Variants in PLEKHM2 observed in about 807,000 individuals in gnomAD.
PLEKHM2 encodes the protein pleckstrin homology domain-containing family M member 2.
In PLEKHM2, 77 loss-of-function variants were observed where a neutral mutation model predicts 116.3. The observed-to-expected ratio is 0.66, with a 90% confidence interval of 0.55 to 0.80. The LOEUF is 0.80. Ranked by LOEUF, PLEKHM2 falls within the 30% of genes least tolerant of loss-of-function variation. The pLI is 0.00. For missense variants in PLEKHM2, 1,183 were observed against 1,354.9 expected (o/e 0.87, Z 1.99); for synonymous variants, 562 against 571.0 (o/e 0.98, Z 0.22).
chr1:15,703,653 G>GAC (rs1243344164), intron 1 of PLEKHM2, among the ~76,000 whole-genome samples: 1 of 152,232 alleles, frequency 6.6e-6, no homozygotes, highest in African/African-American at 2.4e-5. Flanking sequence ...TTTTGTGGGT[G>GAC]TATGAAGATC....
At chr1:15,699,981 C>A (rs887529571) in intron 1 of PLEKHM2, among the ~76,000 whole-genome samples, 3 of 144,858 alleles carry the variant, frequency 2.1e-5, no homozygotes, top group African/African-American at 5.6e-5. Context: ...ACATAGTGAG[C>A]CCCCATCTCA....
chr1:15,727,156 C>T lies in PLEKHM2; in HGVS notation c.1084C>T (p.Arg362Trp), dbSNP rs61738983. Residue 362 changes from arginine to tryptophan, a missense_variant, in exon 9 of 20, where the codon CGG becomes TGG. Around this residue, in one of 3 missense-constraint regions of PLEKHM2, gnomAD observed 372 missense variants for 357.2 expected, o/e 1.04. Coordinates refer to ENST00000375799, the MANE Select transcript of PLEKHM2 (RefSeq NM_015164.4). The surrounding 1 kb of genome is among the most constrained non-coding windows in gnomAD (Gnocchi z 7.5). ...CCGCAACGGCAGCCCAAGCCTTGGG[C>T]GGGACTCGCCAGACACTATGCTTGC... ...DSRNGSPSLG[R>W]DSPDTMLASP... 23 of 1,597,038 alleles carry T rather than the reference C, an allele frequency of 1.4e-5. No homozygotes were observed. Among genetic ancestry groups the T allele is most frequent in the Admixed American group, 1.4e-4 (8 of 58,330 alleles).
intron 1 of PLEKHM2, among the ~76,000 whole-genome samples, chr1:15,690,857 G>C (rs1640875612): frequency 6.6e-6 from 1 of 152,202 alleles, no homozygotes. Flanking sequence ...TCATGGAGCT[G>C]ACATTCTAGA....
chr1:15,734,322 G>A lies in PLEKHM2; in HGVS notation c.*388G>A, dbSNP rs2068193230. On this transcript the variant is annotated 3_prime_UTR_variant, in exon 20 of 20. Transcript: ENST00000375799. ...GGCGGGACCCCCCTCTTCCTCTCCTGGGTTGGGGGCTGGGGCCCTGAGTGC... is the reference window on the plus strand; with the variant it reads ...GGCGGGACCCCCCTCTTCCTCTCCTAGGTTGGGGGCTGGGGCCCTGAGTGC... The A allele has an allele frequency of 5.1e-6, 1 of 196,174 alleles. No homozygotes were observed. The highest frequency in any genetic ancestry group is 1.0e-5 in the Non-Finnish European group (1 of 96,680). The allele number at this position is 196,174 out of a possible 1,614,324, so 12.2% of individuals were successfully genotyped here. A position where few individuals can be genotyped will look rare whatever the true frequency, so the allele number is the denominator to read the frequency against.
At chr1:15,685,485 CTG>C (rs987461641) in intron 1 of PLEKHM2, among the ~76,000 whole-genome samples, 39 of 141,924 alleles carry the variant, frequency 2.7e-4, no homozygotes, top group African/African-American at 9.3e-4. Context: ...CTCTCCCTCT[CTG>C]TGTGTGTGTT....
At position 15,729,523 on chromosome 1, in the gene PLEKHM2, C is replaced by T. The variant is rs2068110429; in HGVS notation, c.2076-274C>T. On this transcript the variant is annotated intron_variant, in intron 13 of 19. Coordinates refer to ENST00000375799, the MANE Select transcript of PLEKHM2 (RefSeq NM_015164.4). This position sits in a 1 kb window ranked among gnomAD's most constrained non-coding sequence, Gnocchi z 4.7. ...CCTTGTCGTGGCTCAAGGTCCCACC[C>T]GTTGACGTCCTGCCCACCCTCTTTG... 6.6e-6 allele frequency among the ~76,000 whole-genome samples: 1 copy of T among 152,178 alleles called. No homozygotes were observed. The highest frequency in any genetic ancestry group is 6.5e-5 in the Admixed American group (1 of 15,284).
intron 4 of PLEKHM2, 90 bp from the exon 5 acceptor site, chr1:15,718,448 C>A: frequency 1.3e-6 from 1 of 780,438 alleles, no homozygotes; most frequent in South Asian, 1.5e-5. Flanking sequence ...CATCACGTGT[C>A]AGATTTCAAC....
chr1:15,721,333 T>C lies in PLEKHM2; in HGVS notation c.657T>C (p.Tyr219=). ...DSAIAPSSED[Y]DFGDVFPAVP... is the part of the protein sequence containing the mutation. ...TTTTGTCCCTCGTTTTTGTAGATTATGATTTTGGAGATGTGTTTCCAGCAG... is the reference window on the plus strand; with the variant it reads ...TTTTGTCCCTCGTTTTTGTAGATTACGATTTTGGAGATGTGTTTCCAGCAG... Residue 219 remains tyrosine, a synonymous_variant, in exon 7 of 20, where the codon TAT becomes TAC. Transcript: ENST00000375799. This position sits in a 1 kb window ranked among gnomAD's most constrained non-coding sequence, Gnocchi z 5.1. 1 of 1,563,878 alleles carries C rather than the reference T, an allele frequency of 6.4e-7. No homozygotes were observed. The highest frequency in any genetic ancestry group is 8.7e-7 in the Non-Finnish European group (1 of 1,152,074).
rs1553161682 is a variant in PLEKHM2, at chr1:15,732,227, C to CGATCCCTGGAGGGA, written c.2626-106_2626-93dup. ...TCACCCCCATCCCCGCCTCTGCTCC[C>CGATCCCTGGAGGGA]GATCCCTGGAGGGAGATCCCTGGAG... On this transcript the variant is annotated intron_variant, in intron 17 of 19. Transcript: ENST00000375799. 6.9e-5 allele frequency: 69 copies of CGATCCCTGGAGGGA among 999,400 alleles called. No individual in the cohort carries two copies. In the Admixed American group the frequency reaches 1.2e-3, roughly 18 times the overall value. The allele number at this position is 999,400 out of a possible 1,614,324, so 61.9% of individuals were successfully genotyped here. A position where few individuals can be genotyped will look rare whatever the true frequency, so the allele number is the denominator to read the frequency against.
At position 15,721,472 on chromosome 1, in the gene PLEKHM2, T is replaced by G. The variant is rs963418171; in HGVS notation, c.712+84T>G. 1 of 777,434 alleles carries G rather than the reference T, an allele frequency of 1.3e-6. No homozygotes were observed. Among genetic ancestry groups the G allele is most frequent in the Admixed American group, 2.5e-5 (1 of 40,378 alleles). The allele number at this position is 777,434 out of a possible 1,614,324, so 48.2% of individuals were successfully genotyped here. The stretch of plus-strand genomic sequence containing the variant: ...TTGCTGCATGTATCAAATCAGCTCC[T>G]TATTATTTATAATAATATCCATAAT... On this transcript the variant is annotated intron_variant, in intron 7 of 19. Coordinates refer to ENST00000375799, the MANE Select transcript of PLEKHM2 (RefSeq NM_015164.4). This position sits in a 1 kb window ranked among gnomAD's most constrained non-coding sequence, Gnocchi z 5.1.
chr1:15,698,286 C>T (rs1021748103), intron 1 of PLEKHM2, among the ~76,000 whole-genome samples: 3 of 152,104 alleles, frequency 2.0e-5, no homozygotes, highest in Non-Finnish European at 2.9e-5. Context: ...TCCCTGCAAC[C>T]TCAAGCTCCT....
At chr1:15,707,575 AT>A (rs1218430735) in intron 1 of PLEKHM2, among the ~76,000 whole-genome samples, 1 of 152,164 alleles carries the variant, frequency 6.6e-6, no homozygotes, top group African/African-American at 2.4e-5. Flanking sequence ...GAATTCTGAG[AT>A]TTTCTGCCTT....
At chr1:15,681,627 TG>T, upstream of PLEKHM2, 1 of 463,108 alleles carries the variant, frequency 2.2e-6, no homozygotes, top group Non-Finnish European at 4.4e-6. Flanking sequence ...TCCAGCAGGT[TG>T]GGGCCTGTAT....
At position 15,719,605 on chromosome 1, in the gene PLEKHM2, A is replaced by G. The variant is rs1245351250; in HGVS notation, c.466-129A>G. The G allele has an allele frequency of 1.6e-6, 1 of 614,564 alleles. No individual in the cohort carries two copies. The highest frequency in any genetic ancestry group is 2.8e-5 in the East Asian group (1 of 36,178). The allele number at this position is 614,564 out of a possible 1,614,324, so 38.1% of individuals were successfully genotyped here. A position where few individuals can be genotyped will look rare whatever the true frequency, so the allele number is the denominator to read the frequency against. On this transcript the variant is annotated intron_variant, in intron 5 of 19. Coordinates refer to ENST00000375799, the MANE Select transcript of PLEKHM2 (RefSeq NM_015164.4). The surrounding 1 kb of genome is among the most constrained non-coding windows in gnomAD (Gnocchi z 4.1). Reference sequence around the variant, plus strand: ...GCTCTTCTTAGCAGCTTTTCTTTGAATTTACTACCTTAAGCCATTGATTTC... The same window carrying G: ...GCTCTTCTTAGCAGCTTTTCTTTGAGTTTACTACCTTAAGCCATTGATTTC...
chr1:15,716,476 G>C (rs1466183587), intron 2 of PLEKHM2, 133 bp downstream of exon 2: 2 of 679,560 alleles, frequency 2.9e-6, no homozygotes, highest in Non-Finnish European at 5.0e-6. Context: ...TCCCACTCAA[G>C]TGGGCCACAG....
chr1:15,700,087 C>G (rs1641080815), intron 1 of PLEKHM2, among the ~76,000 whole-genome samples: 2 of 151,992 alleles, frequency 1.3e-5, no homozygotes, highest in South Asian at 2.1e-4. Flanking sequence ...GCAGCTGAAG[C>G]CTCTGTTGAC....
In PLEKHM2 at chr1:15,728,048, A is replaced by C. The variant is rs1433624589; in HGVS notation, c.1761-31A>C. 1.9e-6 allele frequency: 3 copies of C among 1,571,624 alleles called. No individual in the cohort carries two copies. The African/African-American group carries it at 4.1e-5, about 21-fold the overall frequency. On this transcript the variant is annotated intron_variant, in intron 9 of 19. Coordinates refer to ENST00000375799, the MANE Select transcript of PLEKHM2 (RefSeq NM_015164.4). The surrounding 1 kb of genome is among the most constrained non-coding windows in gnomAD (Gnocchi z 5.9). ...GGCCTCTCTCACCGCTGCCTGCCTG[A>C]CATCTCGCCCTCCTGACTTGGCCCT...
intron 19 of PLEKHM2, among the ~76,000 whole-genome samples, chr1:15,733,353 C>CA (rs1438482091): frequency 6.6e-6 from 1 of 152,256 alleles, no homozygotes; most frequent in Non-Finnish European, 1.5e-5. Flanking sequence ...TGGGGGGACA[C>CA]AATATTGGCA....
chr1:15,701,855 G>T (rs1038737151), intron 1 of PLEKHM2, among the ~76,000 whole-genome samples: 1 of 152,164 alleles, frequency 6.6e-6, no homozygotes, highest in African/African-American at 2.4e-5. Flanking sequence ...TCTGCTCCCT[G>T]TGTCTTTCTG....
Sources: allele counts gnomAD v4.1 joint callset (sites outside exome capture counted in the v4.1 genomes callset), GRCh38; gene constraint gnomAD v4.1.1; regional missense constraint gnomAD v4.1.1; non-coding constraint Gnocchi (gnomAD v3.1); transcripts MANE v1.5; gene names NCBI Gene and HGNC (gene_info 2026-07-23, HGNC 2026-07-21).